The following ERBB4 variants were observed in gnomAD, a reference collection of about 807,000 sequenced individuals.
ERBB4 encodes the protein receptor tyrosine-protein kinase erbB-4.
In ERBB4, 42 loss-of-function variants were observed where a neutral mutation model predicts 158.0. That is an observed-to-expected ratio of 0.27 (90% CI 0.21 to 0.34). ERBB4 has a LOEUF of 0.34. Ranked by LOEUF, ERBB4 falls within the 10% of genes least tolerant of loss-of-function variation. The pLI, the probability that ERBB4 is intolerant of heterozygous loss-of-function variation, is 1.00. For synonymous variants in ERBB4, 583 were observed against 558.7 expected (o/e 1.04, Z -0.61); for missense variants, 1,333 against 1,624.1 (o/e 0.82, Z 3.08).
chr2:211,918,548 T>A (rs939993386), intron 3 of ERBB4, among the ~76,000 whole-genome samples: 13 of 152,134 alleles, frequency 8.5e-5, no homozygotes, highest in Admixed American at 2.0e-4. Flanking sequence ...AGATACGTTT[T>A]AATATCAGTT....
chr2:211,981,404 A>G (rs1375197343), intron 2 of ERBB4, among the ~76,000 whole-genome samples: 8 of 152,208 alleles, frequency 5.3e-5, no homozygotes, highest in Non-Finnish European at 7.3e-5. Flanking sequence ...ATTCTAATAA[A>G]TTCTAAAAAT....
chr2:211,524,668 C>T (rs947314525), intron 20 of ERBB4, among the ~76,000 whole-genome samples: 1 of 147,786 alleles, frequency 6.8e-6, no homozygotes, highest in African/African-American at 2.6e-5. Context: ...CCGGCTGCTC[C>T]GAGTGCGGGG....
chr2:212,177,065 A>G lies in ERBB4; in HGVS notation c.83-52162T>C, dbSNP rs186350047. Among the ~76,000 whole-genome samples, 277 of 152,048 alleles carry G rather than the reference A, an allele frequency of 1.8e-3. 2 individuals carry two copies. The highest frequency in any genetic ancestry group is 5.9e-3 in the African/African-American group (247 of 41,532). Reference sequence around the variant, plus strand: ...CAAAAAAAATTAAATGAAAATACCCATAAGTATTGTGATTAATATGATTAT... The same window carrying G: ...CAAAAAAAATTAAATGAAAATACCCGTAAGTATTGTGATTAATATGATTAT... On this transcript the variant is annotated intron_variant, in intron 1 of 27. Transcript: ENST00000342788.
chr2:211,598,276 C>G (rs2068697541), intron 19 of ERBB4, among the ~76,000 whole-genome samples: 1 of 151,682 alleles, frequency 6.6e-6, no homozygotes, highest in South Asian at 2.1e-4. Context: ...GGTCCAAAGA[C>G]CTCACTAGAG....
chr2:211,437,407 G>A (rs969362974), intron 20 of ERBB4, among the ~76,000 whole-genome samples: 1 of 152,132 alleles, frequency 6.6e-6, no homozygotes, highest in Non-Finnish European at 1.5e-5. Context: ...CATATAAACT[G>A]CTTATGGAAA....
chr2:212,086,639 G>T (rs1044868835), intron 2 of ERBB4, among the ~76,000 whole-genome samples: 2 of 151,892 alleles, frequency 1.3e-5, no homozygotes, highest in African/African-American at 4.8e-5. Flanking sequence ...CCAAAAATAA[G>T]AATAATTTGG....
intron 20 of ERBB4, among the ~76,000 whole-genome samples, chr2:211,517,450 CT>C (rs1192945429): frequency 5.3e-5 from 8 of 152,032 alleles, no homozygotes; most frequent in Admixed American, 5.2e-4. Flanking sequence ...GTTATTTCTT[CT>C]AAATAGTTTC....
intron 20 of ERBB4, among the ~76,000 whole-genome samples, chr2:211,480,479 T>G (rs548143746): frequency 2.0e-5 from 3 of 152,176 alleles, no homozygotes; most frequent in Non-Finnish European, 4.4e-5. Flanking sequence ...CCTGCCACCA[T>G]GTGAAGACAA....
intron 19 of ERBB4, among the ~76,000 whole-genome samples, chr2:211,601,075 A>G (rs2068786345): frequency 6.6e-6 from 1 of 152,190 alleles, no homozygotes; most frequent in Non-Finnish European, 1.5e-5. Context: ...AATAACATTT[A>G]AGAAATTAGC....
intron 1 of ERBB4, among the ~76,000 whole-genome samples, chr2:212,428,063 T>C (rs2091953016): frequency 6.8e-6 from 1 of 147,758 alleles, no homozygotes; most frequent in Non-Finnish European, 1.5e-5. Flanking sequence ...ACATAAATTA[T>C]CTCCATTTTG....
intron 1 of ERBB4, among the ~76,000 whole-genome samples, chr2:212,261,622 C>A (rs565132687): frequency 2.7e-4 from 41 of 151,988 alleles, no homozygotes; most frequent in Non-Finnish European, 4.6e-4. Context: ...CAAAGACAAT[C>A]CACATATGAT....
intron 5 of ERBB4, among the ~76,000 whole-genome samples, chr2:211,747,965 C>T (rs986286367): frequency 1.3e-5 from 2 of 151,832 alleles, no homozygotes; most frequent in African/African-American, 4.8e-5. Context: ...CACACATCAT[C>T]CTATATACTT....
chr2:212,199,474 T>C (rs750629411), intron 1 of ERBB4, among the ~76,000 whole-genome samples: 1 of 152,206 alleles, frequency 6.6e-6, no homozygotes, highest in African/African-American at 2.4e-5. Context: ...TTGTAGTAGA[T>C]ACAGAACAAA....
intron 3 of ERBB4, among the ~76,000 whole-genome samples, chr2:211,938,345 A>C (rs2080386253): frequency 1.3e-5 from 2 of 152,140 alleles, no homozygotes; most frequent in East Asian, 3.9e-4. Flanking sequence ...CAGGGAGCCC[A>C]GATTCTGAGC....
intron 1 of ERBB4, among the ~76,000 whole-genome samples, chr2:212,257,281 T>A (rs1362743033): frequency 6.6e-6 from 1 of 152,168 alleles, no homozygotes; most frequent in East Asian, 1.9e-4. Context: ...ATGCTTTAGG[T>A]GATATGGAAT....
chr2:212,313,830 G>A lies in ERBB4; in HGVS notation c.83-188927C>T, dbSNP rs376458425. On this transcript the variant is annotated intron_variant, in intron 1 of 27. Transcript: ENST00000342788. Reference sequence around the variant, plus strand: ...AACATCTATTAATTTGGACCCACTTGCAACTTTCATTAACTACTGTTCAAT... The same window carrying A: ...AACATCTATTAATTTGGACCCACTTACAACTTTCATTAACTACTGTTCAAT... 6.0e-4 allele frequency among the ~76,000 whole-genome samples: 90 copies of A among 151,050 alleles called. No homozygotes were observed. In the Middle Eastern group the frequency reaches 0.017, roughly 29 times the overall value.
intron 1 of ERBB4, among the ~76,000 whole-genome samples, chr2:212,185,133 G>A (rs1391492164): frequency 6.6e-6 from 1 of 151,110 alleles, no homozygotes; most frequent in Admixed American, 6.6e-5. Context: ...TGGTTCTGAT[G>A]CCTGTGCCTC....
intron 1 of ERBB4, among the ~76,000 whole-genome samples, chr2:212,436,390 C>T (rs1336213819): frequency 6.6e-6 from 1 of 151,912 alleles, no homozygotes; most frequent in Non-Finnish European, 1.5e-5. Context: ...TGACATCCAC[C>T]AAATATGATA....
chr2:211,623,390 G>A (rs1309295966), intron 18 of ERBB4, among the ~76,000 whole-genome samples: 1 of 151,906 alleles, frequency 6.6e-6, no homozygotes, highest in Non-Finnish European at 1.5e-5. Flanking sequence ...AATCATAAAT[G>A]TAACCAAGTA....
Sources: allele counts gnomAD v4.1 joint callset (sites outside exome capture counted in the v4.1 genomes callset), GRCh38; gene constraint gnomAD v4.1.1; transcripts MANE v1.5; gene names NCBI Gene and HGNC (gene_info 2026-07-23, HGNC 2026-07-21).